TRHDE: variants seen among roughly 807,000 people sequenced by gnomAD.
TRHDE encodes thyrotropin releasing hormone degrading enzyme.
Under a neutral mutation model 125.7 loss-of-function variants are expected in TRHDE, and 72 were observed. That is an observed-to-expected ratio of 0.57 (90% CI 0.47 to 0.70). The LOEUF is 0.70. TRHDE is among the 30% of genes least tolerant of loss of function. The pLI is 0.00. For synonymous variants in TRHDE, 509 were observed against 509.1 expected (o/e 1.00, Z 0.00); for missense variants, 1,110 against 1,327.1 (o/e 0.84, Z 2.54).
At chr12:72,111,940 T>C (rs1026114208) in intron 2 of TRHDE, among the ~76,000 whole-genome samples, 2 of 152,010 alleles carry the variant, frequency 1.3e-5, no homozygotes, top group Non-Finnish European at 2.9e-5. Flanking sequence ...GTTGCAGCTG[T>C]TCAGTATTAT....
intron 2 of TRHDE, among the ~76,000 whole-genome samples, chr12:72,322,635 G>T (rs1424361154): frequency 6.6e-6 from 1 of 152,092 alleles, no homozygotes; most frequent in Non-Finnish European, 1.5e-5. Flanking sequence ...TGCTAATTCA[G>T]TGTTTGCAAC....
intron 2 of TRHDE, among the ~76,000 whole-genome samples, chr12:72,287,577 GAC>G (rs10606890): frequency 0.21 from 31,631 of 147,428 alleles, 3,667 homozygotes; most frequent in Middle Eastern, 0.34. Context: ...TCTATGTATA[GAC>G]ACACACACAC....
intron 2 of TRHDE, among the ~76,000 whole-genome samples, chr12:72,228,787 A>G (rs1183978331): frequency 6.6e-6 from 1 of 152,242 alleles, no homozygotes; most frequent in African/African-American, 2.4e-5. Flanking sequence ...TTCTTCTGCC[A>G]GATGTCCAAA....
chr12:72,373,789 C>T (rs1871736267), intron 2 of TRHDE, among the ~76,000 whole-genome samples: 1 of 151,980 alleles, frequency 6.6e-6, no homozygotes, highest in Non-Finnish European at 1.5e-5. Context: ...GAAAAGGAAG[C>T]TAGTGTTATG....
intron 3 of TRHDE, among the ~76,000 whole-genome samples, chr12:72,406,071 T>G (rs752852509): frequency 1.3e-5 from 2 of 152,196 alleles, no homozygotes; most frequent in African/African-American, 2.4e-5. Context: ...CTTGGCTGTT[T>G]TACTAGAAAG....
At chr12:72,099,347 A>G (rs951708968) in intron 1 of TRHDE, among the ~76,000 whole-genome samples, 2 of 152,126 alleles carry the variant, frequency 1.3e-5, no homozygotes, top group South Asian at 2.1e-4. Flanking sequence ...GCATAGCCTT[A>G]CCATTAATTT....
chr12:72,480,102 G>A (rs1216846490), intron 5 of TRHDE, among the ~76,000 whole-genome samples: 1 of 151,378 alleles, frequency 6.6e-6, no homozygotes, highest in Non-Finnish European at 1.5e-5. Context: ...TTGCTATTGT[G>A]AATAGTGCCG....
At chr12:72,541,216 C>G (rs568704197) in intron 6 of TRHDE, among the ~76,000 whole-genome samples, 1 of 151,458 alleles carries the variant, frequency 6.6e-6, no homozygotes, top group Non-Finnish European at 1.5e-5. Context: ...TTTGTAACCC[C>G]GAATCCAGGC....
chr12:72,319,616 A>G (rs1452199724), intron 2 of TRHDE, among the ~76,000 whole-genome samples: 1 of 152,086 alleles, frequency 6.6e-6, no homozygotes, highest in Non-Finnish European at 1.5e-5. Context: ...GTTTTTATTA[A>G]TCTGGCCATC....
rs75781570 is a variant in TRHDE, at chr12:72,313,247, A to G, written c.1188+26293A>G. 4.6e-3 allele frequency among the ~76,000 whole-genome samples: 696 copies of G among 152,134 alleles called. 8 individuals carry two copies. Among genetic ancestry groups the G allele is most frequent in the African/African-American group, 0.016 (667 of 41,562 alleles). ...TTTCAGACTTTATTGGCATTGTAGA[A>G]CACCTGATAGACCAAATATTCATAC... On this transcript the variant is annotated intron_variant, in intron 2 of 18. Transcript: ENST00000261180.
rs138815988 is a variant in TRHDE, at chr12:72,357,780, TATA to T, written c.1189-20214_1189-20212del. 6.5e-3 allele frequency among the ~76,000 whole-genome samples: 990 copies of T among 151,648 alleles called. 6 individuals carry two copies. Among genetic ancestry groups the T allele is most frequent in the Non-Finnish European group, 0.01 (688 of 67,654 alleles). ...TGACGGCTATGTTACTTTATTCTGC[TATA>T]GTAACTATTTTACTGTAATAATGAT... On this transcript the variant is annotated intron_variant, in intron 2 of 18. Coordinates refer to ENST00000261180, the MANE Select transcript of TRHDE (RefSeq NM_013381.3).
At chr12:72,291,152 A>C (rs1208094151) in intron 2 of TRHDE, among the ~76,000 whole-genome samples, 2 of 152,226 alleles carry the variant, frequency 1.3e-5, no homozygotes, top group African/African-American at 4.8e-5. Context: ...CAGGCATAGA[A>C]GAGATCACTT....
At chr12:72,631,814 C>T (rs1228106357) in intron 15 of TRHDE, among the ~76,000 whole-genome samples, 2 of 152,020 alleles carry the variant, frequency 1.3e-5, no homozygotes, top group South Asian at 4.1e-4. Flanking sequence ...CTACTCAAGA[C>T]AGCTTTATGG....
intron 2 of TRHDE, among the ~76,000 whole-genome samples, chr12:72,228,185 G>A (rs1878173873): frequency 6.6e-6 from 1 of 152,190 alleles, no homozygotes; most frequent in African/African-American, 2.4e-5. Flanking sequence ...CCTAGCAGAG[G>A]TTCTCCATGA....
At chr12:72,614,730 A>G (rs986992506) in intron 12 of TRHDE, among the ~76,000 whole-genome samples, 3 of 152,114 alleles carry the variant, frequency 2.0e-5, no homozygotes, top group Admixed American at 2.0e-4. Context: ...CCCAGAAATC[A>G]ATTGCCTTTA....
At chr12:72,372,297 G>A (rs866779998) in intron 2 of TRHDE, among the ~76,000 whole-genome samples, 52 of 151,850 alleles carry the variant, frequency 3.4e-4, no homozygotes, top group African/African-American at 1.2e-3. Flanking sequence ...TTAGCCCTTT[G>A]TCAGATGAGT....
rs1323075013 is a variant in TRHDE, at chr12:72,273,753, T to C, written c.914+196T>C. On this transcript the variant is annotated intron_variant, in intron 1 of 18. Transcript: ENST00000261180. The surrounding 1 kb of genome is among the most constrained non-coding windows in gnomAD (Gnocchi z 5.3). ...GCCTCGGGGTCTCGCTGCCGCCAACTTCGCAAACTGACTCACCGGTGCCAA... is the reference window on the plus strand; with the variant it reads ...GCCTCGGGGTCTCGCTGCCGCCAACCTCGCAAACTGACTCACCGGTGCCAA... The C allele has an allele frequency of 2.1e-5, 12 of 563,560 alleles. No individual in the cohort carries two copies. Among genetic ancestry groups the C allele is most frequent in the Non-Finnish European group, 3.5e-5 (11 of 318,232 alleles). 34.9% of individuals were successfully genotyped at this position (563,560 alleles called of 1,614,324 possible).
chr12:72,319,857 G>T (rs931716132), intron 2 of TRHDE, among the ~76,000 whole-genome samples: 2 of 150,636 alleles, frequency 1.3e-5, no homozygotes, highest in African/African-American at 2.4e-5. Context: ...CAATAACATG[G>T]TTTTTTTTTC....
chr12:72,572,389 A>G (rs930654436), intron 10 of TRHDE, among the ~76,000 whole-genome samples: 2 of 152,108 alleles, frequency 1.3e-5, no homozygotes, highest in Non-Finnish European at 2.9e-5. Context: ...TATATTTTTT[A>G]ATTATTATTG....
Sources: gnomAD v4.1 joint callset for allele counts (sites outside exome capture counted in the v4.1 genomes callset) on GRCh38, gnomAD v4.1.1 for gene constraint, Gnocchi (gnomAD v3.1) non-coding constraint, MANE v1.5 for transcripts, NCBI Gene and HGNC (gene_info 2026-07-23, HGNC 2026-07-21) for gene names.